The following ZNF253 variants were observed in gnomAD, a reference collection of about 807,000 sequenced individuals.
ZNF253 encodes the protein zinc finger protein 253.
A neutral mutation model predicts 11.9 loss-of-function variants in ZNF253; 8 were observed. The ratio of observed to expected loss-of-function variants is 0.67; its 90% CI spans 0.40 to 1.22. The LOEUF (loss-of-function observed/expected upper bound fraction) is 1.22. Among genes scored for constraint, ZNF253 ranks in the 50% most tolerant of loss-of-function variants. ZNF253 has a pLI of 0.01. For synonymous variants in ZNF253, 194 were observed against 194.9 expected (o/e 1.00, Z 0.04); for missense variants, 485 against 586.9 (o/e 0.83, Z 1.79).
chr19:19,865,981 C>A lies in ZNF253; in HGVS notation c.-16C>A. The stretch of plus-strand genomic sequence containing the variant: ...GAGAGCCACAGCTAAACCCCGGGAC[C>A]CCTGGAAGCCTAGAAATGGTGAGTG... On this transcript the variant is annotated 5_prime_UTR_variant, in exon 1 of 4. Transcript: ENST00000589717. The A allele has an allele frequency of 6.2e-7, 1 of 1,614,150 alleles. No homozygotes were observed. The highest frequency in any genetic ancestry group is 8.5e-7 in the Non-Finnish European group (1 of 1,180,020).
chr19:19,869,635 A>G (rs1250197369), intron 1 of ZNF253, among the ~76,000 whole-genome samples: 1 of 143,848 alleles, frequency 7.0e-6, no homozygotes, highest in Non-Finnish European at 1.5e-5. Flanking sequence ...TGATGGGATT[A>G]CAGGCATGAG....
At chr19:19,868,893 T>A (rs1040956154) in intron 1 of ZNF253, among the ~76,000 whole-genome samples, 7 of 152,098 alleles carry the variant, frequency 4.6e-5, no homozygotes, top group African/African-American at 1.7e-4. Context: ...GGAATTTAGG[T>A]TATATGTAGA....
chr19:19,881,273 A>AT (rs920027591), intron 3 of ZNF253, among the ~76,000 whole-genome samples: 4 of 151,956 alleles, frequency 2.6e-5, no homozygotes, highest in Non-Finnish European at 4.4e-5. Context: ...AGTAAATAAG[A>AT]TTTTTTTCTC....
In ZNF253 at chr19:19,880,379, A is replaced by G. The variant is rs557424803; in HGVS notation, c.226+233A>G. ...TTTGGTGAGCTTCCTTCAGGTTCAC[A>G]GTGAGAGCCAAAGTCCTCTTCATGG... On this transcript the variant is annotated intron_variant, in intron 3 of 3. Transcript: ENST00000589717. Among the ~76,000 whole-genome samples, 13 of 151,012 alleles carry G rather than the reference A, an allele frequency of 8.6e-5. No individual in the cohort carries two copies. In the East Asian group the frequency reaches 2.5e-3, roughly 30 times the overall value.
In ZNF253 at chr19:19,873,177, T is replaced by G. The variant is rs185878546; in HGVS notation, c.4-5304T>G. 1.5e-3 allele frequency among the ~76,000 whole-genome samples: 222 copies of G among 151,306 alleles called. 3 individuals are homozygous for G. The highest frequency in any genetic ancestry group is 5.3e-3 in the African/African-American group (218 of 41,462). ...AGAATCTGATGGCAGAATCTGTAAG[T>G]GTAAATAAGCATCTTAGGAGTGAGA... On this transcript the variant is annotated intron_variant, in intron 1 of 3. Coordinates refer to ENST00000589717, the MANE Select transcript of ZNF253 (RefSeq NM_021047.3).
chr19:19,893,557 C>T lies in ZNF253; in HGVS notation c.*810C>T, dbSNP rs2063243003. On this transcript the variant is annotated 3_prime_UTR_variant, in exon 4 of 4. Coordinates refer to ENST00000589717, the MANE Select transcript of ZNF253 (RefSeq NM_021047.3). Reference sequence around the variant, plus strand: ...ACTCCTGTAAGTGTGAAGAATGTGGCAAAATATTTTATTAGTGCTTATACC... The same window carrying T: ...ACTCCTGTAAGTGTGAAGAATGTGGTAAAATATTTTATTAGTGCTTATACC... The T allele has an allele frequency of 6.6e-6, 1 of 152,134 alleles. No individual in the cohort carries two copies. Among genetic ancestry groups the T allele is most frequent in the South Asian group, 2.1e-4 (1 of 4,832 alleles). 9.4% of individuals were successfully genotyped at this position (152,134 alleles called of 1,614,324 possible).
Position 19,894,034 on chromosome 19 carries a change from T to C in ZNF253, c.*1287T>C, listed in dbSNP as rs1337598013. 2 of 152,178 alleles carry C rather than the reference T, an allele frequency of 1.3e-5. No individual in the cohort carries two copies. The highest frequency in any genetic ancestry group is 2.9e-5 in the Non-Finnish European group (2 of 68,022). 9.4% of individuals were successfully genotyped at this position (152,178 alleles called of 1,614,324 possible). The stretch of plus-strand genomic sequence containing the variant: ...TGCAGATGCAGTAAATATCAAAAAA[T>C]ATTTAATTCAAAATTGATTCTATGT... On this transcript the variant is annotated 3_prime_UTR_variant, in exon 4 of 4. Coordinates refer to ENST00000589717, the MANE Select transcript of ZNF253 (RefSeq NM_021047.3).
chr19:19,882,730 T>TG (rs1337141271), intron 3 of ZNF253, among the ~76,000 whole-genome samples: 1 of 152,178 alleles, frequency 6.6e-6, no homozygotes, highest in Non-Finnish European at 1.5e-5. Flanking sequence ...CCCAACACTT[T>TG]GGGAGGCTGA....
intron 3 of ZNF253, among the ~76,000 whole-genome samples, chr19:19,882,826 C>T (rs1036479286): frequency 6.6e-6 from 1 of 151,626 alleles, no homozygotes; most frequent in Non-Finnish European, 1.5e-5. Flanking sequence ...AAAAAATTAG[C>T]TGGGCATGGT....
At chr19:19,872,136 T>C (rs2063136200) in intron 1 of ZNF253, among the ~76,000 whole-genome samples, 1 of 152,168 alleles carries the variant, frequency 6.6e-6, no homozygotes, top group African/African-American at 2.4e-5. Context: ...AGAATGACTC[T>C]TGCATCTTCA....
chr19:19,894,088 T>C lies in ZNF253; in HGVS notation c.*1341T>C, dbSNP rs2063244817. ...TATCAGAGAATTTTCCATAGAATAA[T>C]TAAGGCACTGACACTTCAGACATTA... is the stretch of plus-strand genomic sequence containing the variant. On this transcript the variant is annotated 3_prime_UTR_variant, in exon 4 of 4. Coordinates refer to ENST00000589717, the MANE Select transcript of ZNF253 (RefSeq NM_021047.3). The C allele has an allele frequency of 6.6e-6, 1 of 152,198 alleles. No homozygotes were observed. The highest frequency in any genetic ancestry group is 2.4e-5 in the African/African-American group (1 of 41,448). 9.4% of individuals were successfully genotyped at this position (152,198 alleles called of 1,614,324 possible).
chr19:19,887,322 A>C (rs748475127), intron 3 of ZNF253, among the ~76,000 whole-genome samples: 1 of 151,712 alleles, frequency 6.6e-6, no homozygotes, highest in Non-Finnish European at 1.5e-5. Context: ...TTGTGATGGA[A>C]TTTCACTCTT....
chr19:19,877,571 C>T (rs1479918802), intron 1 of ZNF253, among the ~76,000 whole-genome samples: 1 of 152,124 alleles, frequency 6.6e-6, no homozygotes, highest in East Asian at 1.9e-4. Flanking sequence ...GACGGGGTTT[C>T]TCCATGTTGG....
chr19:19,878,435 T>C (rs1298314364), intron 1 of ZNF253, 46 bp from the exon 2 acceptor site: 2 of 1,612,804 alleles, frequency 1.2e-6, no homozygotes, highest in Non-Finnish European at 1.7e-6. Context: ...AATTAAAAAT[T>C]CCTCTCATGC....
chr19:19,878,308 GAGTT>G (rs2063163776), intron 1 of ZNF253, among the ~76,000 whole-genome samples, 169 bp from the exon 2 acceptor site: 1 of 142,648 alleles, frequency 7.0e-6, no homozygotes, highest in African/African-American at 2.5e-5. Flanking sequence ...TTTTTTCTCA[GAGTT>G]AGAGGATACA....
intron 1 of ZNF253, among the ~76,000 whole-genome samples, chr19:19,875,595 C>A (rs2063151919): frequency 6.6e-6 from 1 of 152,132 alleles, no homozygotes; most frequent in South Asian, 2.1e-4. Flanking sequence ...CGGGGTTTCA[C>A]CGTGTTAGCC....
At chr19:19,891,443 T>C (rs1270036091) in intron 3 of ZNF253, 31 bp from the exon 4 acceptor site, 26 of 1,514,160 alleles carry the variant, frequency 1.7e-5, no homozygotes, top group Non-Finnish European at 2.2e-5. Context: ...GTCTAGCAAT[T>C]GAAGTAATGT....
At chr19:19,875,061 C>T (rs1424964842) in intron 1 of ZNF253, among the ~76,000 whole-genome samples, 1 of 152,000 alleles carries the variant, frequency 6.6e-6, no homozygotes, top group Non-Finnish European at 1.5e-5. Context: ...AAGATTCACC[C>T]TTTTTGGAGG....
intron 1 of ZNF253, among the ~76,000 whole-genome samples, chr19:19,878,172 T>C (rs1443672733): frequency 6.6e-6 from 1 of 152,174 alleles, no homozygotes; most frequent in Non-Finnish European, 1.5e-5. Flanking sequence ...CTGAAAAATA[T>C]TCACAACTCA....
Sources: gnomAD v4.1 joint callset for allele counts (sites outside exome capture counted in the v4.1 genomes callset) on GRCh38, gnomAD v4.1.1 for gene constraint, MANE v1.5 for transcripts, NCBI Gene and HGNC (gene_info 2026-07-23, HGNC 2026-07-21) for gene names.